DCC: variants seen among roughly 807,000 people sequenced by gnomAD.
DCC encodes the protein DCC netrin 1 receptor.
A neutral mutation model predicts 172.5 loss-of-function variants in DCC; 58 were observed. That is an observed-to-expected ratio of 0.34 (90% CI 0.27 to 0.42). The LOEUF (loss-of-function observed/expected upper bound fraction) is 0.42. Ranked by LOEUF, DCC falls within the 10% of genes least tolerant of loss-of-function variation. The pLI is 1.00. For missense variants in DCC, 1,740 were observed against 1,791.0 expected, an observed-to-expected ratio of 0.97 and a Z score of 0.51; for synonymous variants, 709 against 644.5, an observed-to-expected ratio of 1.10 and a Z score of -1.52.
In DCC at chr18:52,384,247, T is replaced by C. The variant is rs548721655; in HGVS notation, c.91+43369T>C. ...AATGTCACATAACCCCTATAATCAT[T>C]AGAGACCTCTGTGCACTAAGGAGTG... On this transcript the variant is annotated intron_variant, in intron 1 of 28. Coordinates refer to ENST00000442544, the MANE Select transcript of DCC (RefSeq NM_005215.4). 2.0e-5 allele frequency among the ~76,000 whole-genome samples: 3 copies of C among 152,224 alleles called. No individual in the cohort carries two copies. The East Asian group carries it at 5.8e-4, about 29-fold the overall frequency.
intron 24 of DCC, among the ~76,000 whole-genome samples, chr18:53,463,883 G>C (rs1248289024): frequency 6.6e-6 from 1 of 152,192 alleles, no homozygotes; most frequent in Non-Finnish European, 1.5e-5. Context: ...CTATGGAAAA[G>C]AGAATTGAAT....
At chr18:53,022,989 A>T (rs2041902458) in intron 5 of DCC, among the ~76,000 whole-genome samples, 1 of 152,146 alleles carries the variant, frequency 6.6e-6, no homozygotes. Flanking sequence ...CCACACAAAT[A>T]GGTTAACGCT....
intron 1 of DCC, among the ~76,000 whole-genome samples, chr18:52,653,982 T>A (rs1344967921): frequency 6.6e-6 from 1 of 152,198 alleles, no homozygotes; most frequent in Non-Finnish European, 1.5e-5. Flanking sequence ...AAGAGATGCA[T>A]TTATGTTACC....
At chr18:53,215,318 G>T (rs1016988822) in intron 11 of DCC, among the ~76,000 whole-genome samples, 1 of 151,702 alleles carries the variant, frequency 6.6e-6, no homozygotes, top group East Asian at 1.9e-4. Flanking sequence ...ACAGTTTTAG[G>T]GGCTCCCTAC....
chr18:53,467,917 A>G lies in DCC; in HGVS notation c.3643A>G (p.Ser1215Gly). 6.2e-7 allele frequency: 1 copy of G among 1,608,264 alleles called. No individual in the cohort carries two copies. Among genetic ancestry groups the G allele is most frequent in the Non-Finnish European group, 8.5e-7 (1 of 1,174,742 alleles). The change falls in exon 25 of 29, where the codon AGC becomes GGC. Residue 1215 changes from serine to glycine, a missense_variant. Around this residue, in one of 2 missense-constraint regions of DCC, gnomAD observed 1,732 missense variants for 1,767.4 expected, o/e 0.98. Coordinates refer to ENST00000442544, the MANE Select transcript of DCC (RefSeq NM_005215.4). ...AGGTCAAGACACTGAGGAAGCAGGG[A>G]GCTCTATGTCCACTCTGGAGAGGTC... Reference protein sequence around the residue: ...HSGQDTEEAGSSMSTLERSLA... With the variant: ...HSGQDTEEAGGSMSTLERSLA...
intron 5 of DCC, among the ~76,000 whole-genome samples, chr18:53,022,891 G>A (rs567862243): frequency 1.3e-5 from 2 of 152,134 alleles, no homozygotes; most frequent in Admixed American, 6.5e-5. Context: ...TCCAGTACAT[G>A]AGAGCTCATC....
At chr18:52,408,085 T>C (rs1986714940) in intron 1 of DCC, among the ~76,000 whole-genome samples, 1 of 152,076 alleles carries the variant, frequency 6.6e-6, no homozygotes, top group Non-Finnish European at 1.5e-5. Context: ...GTCTTCTGTC[T>C]TACAGAAATA....
At chr18:53,487,529 CTTTTTTTTT>C (rs34404262) in intron 26 of DCC, among the ~76,000 whole-genome samples, 1 of 120,220 alleles carries the variant, frequency 8.3e-6, no homozygotes, top group Non-Finnish European at 1.7e-5. Flanking sequence ...CCATTTGACT[CTTTTTTTTT>C]TTTTTTTTTT....
intron 7 of DCC, among the ~76,000 whole-genome samples, chr18:53,115,222 AG>A: frequency 6.6e-6 from 1 of 151,708 alleles, no homozygotes; most frequent in East Asian, 2.0e-4. Context: ...TGGTTTTCTG[AG>A]GTGTGGGAGA....
intron 15 of DCC, among the ~76,000 whole-genome samples, chr18:53,380,299 A>G (rs1358707635): frequency 6.6e-6 from 1 of 152,164 alleles, no homozygotes; most frequent in Non-Finnish European, 1.5e-5. Flanking sequence ...CCCTTCTTAC[A>G]TACTGGTAGA....
chr18:52,715,770 T>C (rs2036370280), intron 1 of DCC, among the ~76,000 whole-genome samples: 1 of 152,172 alleles, frequency 6.6e-6, no homozygotes, highest in Non-Finnish European at 1.5e-5. Flanking sequence ...GTGTCATCAA[T>C]CTACCATCCT....
intron 2 of DCC, among the ~76,000 whole-genome samples, chr18:52,815,709 G>T (rs1275838872): frequency 6.6e-6 from 1 of 152,128 alleles, no homozygotes; most frequent in East Asian, 1.9e-4. Context: ...CCTAATTATT[G>T]TATTTGAGGC....
At chr18:52,465,824 G>A (rs998463690) in intron 1 of DCC, among the ~76,000 whole-genome samples, 3 of 152,100 alleles carry the variant, frequency 2.0e-5, no homozygotes, top group Non-Finnish European at 4.4e-5. Flanking sequence ...AATAACAAGA[G>A]AAACCTTATC....
At position 52,492,520 on chromosome 18, in the gene DCC, G is replaced by A. The variant is rs570698972; in HGVS notation, c.91+151642G>A. Among the ~76,000 whole-genome samples the A allele has an allele frequency of 3.9e-5, 6 of 152,012 alleles. No individual in the cohort carries two copies. The East Asian group carries it at 1.2e-3, about 29-fold the overall frequency. ...AGAAAGAAGAAGGATGTTTTTGCAG[G>A]TAGGTGTGAGTTTTGTTGGTTGGAA... On this transcript the variant is annotated intron_variant, in intron 1 of 28. Coordinates refer to ENST00000442544, the MANE Select transcript of DCC (RefSeq NM_005215.4).
rs1163187530 is a variant in DCC at position 53,315,043 on chromosome 18, C to T, written c.2054-7004C>T. 1.8e-4 allele frequency among the ~76,000 whole-genome samples: 28 copies of T among 152,072 alleles called. 1 individual carries two copies. The highest frequency in any genetic ancestry group is 1.9e-4 in the Non-Finnish European group (13 of 68,006). On this transcript the variant is annotated intron_variant, in intron 13 of 28. Transcript: ENST00000442544. ...ATTTGTTGCATAGGTATACACATGC[C>T]GTGGTGGTTTGCTGCACCCATTAAC...
rs148634700 is a variant in DCC, at chr18:53,179,115, G to A, written c.1572G>A (p.Glu524=). ...SQPIKVATQP[E]LQVPGPVENL... ...CCATCAAGGTGGCCACACAGCCTGAGTGTGAGTATGAAAAGGAACGGGCCA... is the reference window on the plus strand; with the variant it reads ...CCATCAAGGTGGCCACACAGCCTGAATGTGAGTATGAAAAGGAACGGGCCA... The change falls in exon 9 of 29, where the codon GAG becomes GAA. Residue 524 remains glutamate, a splice_region_variant and synonymous_variant. Coordinates refer to ENST00000442544, the MANE Select transcript of DCC (RefSeq NM_005215.4). 3.3e-5 allele frequency: 54 copies of A among 1,613,658 alleles called. 1 individual carries two copies. The East Asian group carries it at 4.9e-4, about 15-fold the overall frequency.
chr18:52,776,257 A>G (rs947824247), intron 2 of DCC, among the ~76,000 whole-genome samples: 1 of 152,064 alleles, frequency 6.6e-6, no homozygotes, highest in African/African-American at 2.4e-5. Flanking sequence ...AACATTGTAC[A>G]TATTTATAAA....
chr18:53,179,152 T>C (rs534071225), intron 9 of DCC, 36 bp downstream of exon 9: 1 of 1,598,486 alleles, frequency 6.3e-7, no homozygotes, highest in African/African-American at 1.3e-5. Flanking sequence ...ATTTAAAAAG[T>C]ATTTATTTTC....
At chr18:52,826,509 C>T (rs2038512667) in intron 2 of DCC, among the ~76,000 whole-genome samples, 2 of 152,022 alleles carry the variant, frequency 1.3e-5, no homozygotes, top group South Asian at 4.2e-4. Context: ...ATGAGTCTTT[C>T]CCCTTTGAAG....
Sources: allele counts gnomAD v4.1 joint callset (sites outside exome capture counted in the v4.1 genomes callset), GRCh38; gene constraint gnomAD v4.1.1; regional missense constraint gnomAD v4.1.1; transcripts MANE v1.5; gene names NCBI Gene and HGNC (gene_info 2026-07-23, HGNC 2026-07-21).